Variants in FRMD6 observed in about 807,000 individuals in gnomAD.
The protein encoded by FRMD6 is FERM domain containing 6.
FRMD6 carries 37 observed loss-of-function variants against 73.2 expected under a neutral mutation model. The ratio of observed to expected loss-of-function variants is 0.51; its 90% CI spans 0.39 to 0.66. FRMD6 has a LOEUF of 0.66. FRMD6 is among the 30% of genes least tolerant of loss of function. The pLI is 0.00. For synonymous variants in FRMD6, 273 were observed against 282.2 expected, an observed-to-expected ratio of 0.97 and a Z score of 0.33; for missense variants, 714 against 780.5, an observed-to-expected ratio of 0.91 and a Z score of 1.02.
chr14:51,560,821 G>C (rs368328802), intron 1 of FRMD6, among the ~76,000 whole-genome samples: 3 of 151,952 alleles, frequency 2.0e-5, no homozygotes, highest in Non-Finnish European at 1.5e-5. Flanking sequence ...TCCTCTCAAA[G>C]GTGCCCTTCC....
At chr14:51,472,996 G>A in the FRMD6 span, among the ~76,000 whole-genome samples, 27 of 152,294 alleles carry the variant, frequency 1.8e-4, no homozygotes, top group African/African-American at 3.8e-4. Flanking sequence ...ATACCCTTGA[G>A]CAGTTTGGGA....
At chr14:51,413,177 A>G in the FRMD6 span, among the ~76,000 whole-genome samples, 1 of 151,784 alleles carries the variant, frequency 6.6e-6, no homozygotes, top group African/African-American at 2.4e-5. Context: ...TTTTTAATAT[A>G]CTTTTAAGTT....
chr14:51,612,785 T>A (rs2139874116), intron 2 of FRMD6, among the ~76,000 whole-genome samples: 1 of 152,314 alleles, frequency 6.6e-6, no homozygotes. Flanking sequence ...TTTCTCTGGA[T>A]ATTAAATAAA....
chr14:51,472,109 T>C, the FRMD6 span, among the ~76,000 whole-genome samples: 4 of 152,208 alleles, frequency 2.6e-5, no homozygotes, highest in East Asian at 7.7e-4. Flanking sequence ...TCTTTATAAA[T>C]TAAGAATATG....
intron 1 of FRMD6, among the ~76,000 whole-genome samples, chr14:51,673,116 T>C (rs1235881954): frequency 1.3e-5 from 2 of 152,164 alleles, no homozygotes; most frequent in Admixed American, 6.6e-5. Context: ...ACTGAGGTGA[T>C]ATCCTTCACA....
chr14:51,402,650 T>C, the FRMD6 span, among the ~76,000 whole-genome samples: 1 of 151,200 alleles, frequency 6.6e-6, no homozygotes, highest in Non-Finnish European at 1.5e-5. Flanking sequence ...TCTTTTTTTT[T>C]TTTTTTGAGA....
At chr14:51,669,343 A>G (rs1033433315) in intron 1 of FRMD6, among the ~76,000 whole-genome samples, 11 of 152,240 alleles carry the variant, frequency 7.2e-5, no homozygotes, top group Non-Finnish European at 1.2e-4. Context: ...TGAAGTTACT[A>G]TAAGCATTTA....
rs180834008 is a variant in FRMD6 at position 51,692,510 on chromosome 14, G to T, written c.99+2575G>T. ...TGTGTGTGTGTACACACACAAGCAG[G>T]TTGTGGAACAACACCTTACCACATT... On this transcript the variant is annotated intron_variant, in intron 2 of 13. Coordinates refer to ENST00000344768, the MANE Select transcript of FRMD6 (RefSeq NM_001267046.2). 7.4e-4 allele frequency among the ~76,000 whole-genome samples: 112 copies of T among 151,804 alleles called. 1 individual carries two copies. Among genetic ancestry groups the T allele is most frequent in the Admixed American group, 5.8e-3 (89 of 15,264 alleles).
At chr14:51,592,269 C>A (rs1424219489) in intron 2 of FRMD6, among the ~76,000 whole-genome samples, 2 of 152,192 alleles carry the variant, frequency 1.3e-5, no homozygotes, top group African/African-American at 4.8e-5. Flanking sequence ...GTCCTCGGTT[C>A]AGAGTCCTTT....
chr14:51,500,860 G>A (rs747051918), intron 1 of FRMD6, among the ~76,000 whole-genome samples: 9 of 152,176 alleles, frequency 5.9e-5, no homozygotes, highest in African/African-American at 9.7e-5. Flanking sequence ...AGTACAGTGA[G>A]TTGTTTCTAA....
At chr14:51,452,463 T>C in the FRMD6 span, among the ~76,000 whole-genome samples, 1 of 152,196 alleles carries the variant, frequency 6.6e-6, no homozygotes, top group African/African-American at 2.4e-5. Flanking sequence ...GCTGTAAGTT[T>C]GGGATGTTGA....
chr14:51,422,181 A>T, the FRMD6 span, among the ~76,000 whole-genome samples: 1 of 152,194 alleles, frequency 6.6e-6, no homozygotes, highest in African/African-American at 2.4e-5. Flanking sequence ...TGTTCCCTGA[A>T]TTAATTCAGG....
rs145500532 is a variant in FRMD6 at position 51,495,837 on chromosome 14, G to A, written c.-210+6417G>A. Among the ~76,000 whole-genome samples the A allele has an allele frequency of 2.4e-4, 37 of 152,308 alleles. No homozygotes were observed. In the East Asian group the frequency reaches 6.9e-3, roughly 29 times the overall value. ...AAGCCATGATAAACAGAGGTGTAAT[G>A]GATGATATGGGAAAATTAATCCCTT... On this transcript the variant is annotated intron_variant, in intron 1 of 14. Transcript: ENST00000356218.
At chr14:51,436,670 G>T in the FRMD6 span, 1 of 531,320 alleles carries the variant, frequency 1.9e-6, no homozygotes. Context: ...TTCTGATGTA[G>T]GGGCTAATGA....
At chr14:51,513,848 C>T (rs1173193506) in intron 1 of FRMD6, among the ~76,000 whole-genome samples, 3 of 152,214 alleles carry the variant, frequency 2.0e-5, no homozygotes, top group African/African-American at 7.2e-5. Flanking sequence ...CCTCTCCAAT[C>T]CCAACTGGAG....
chr14:51,708,267 G>A lies in FRMD6; in HGVS notation c.714+34G>A, dbSNP rs1566584498. ...CGGCAACTAAGTCTTCAGCTTCTGA[G>A]AAAAAAACATCTTCTCAATAGGATT... On this transcript the variant is annotated intron_variant, in intron 7 of 13. Coordinates refer to ENST00000344768, the MANE Select transcript of FRMD6 (RefSeq NM_001267046.2). 1.9e-6 allele frequency: 3 copies of A among 1,587,566 alleles called. No homozygotes were observed. The Admixed American group carries it at 5.2e-5, about 28-fold the overall frequency.
At chr14:51,634,742 G>A (rs1460269834) in intron 2 of FRMD6, among the ~76,000 whole-genome samples, 1 of 152,172 alleles carries the variant, frequency 6.6e-6, no homozygotes, top group East Asian at 1.9e-4. Context: ...CTTCGAGAAT[G>A]CAGTCAGAAA....
intron 2 of FRMD6, among the ~76,000 whole-genome samples, chr14:51,693,181 C>T (rs1267069791): frequency 2.0e-5 from 3 of 152,178 alleles, no homozygotes; most frequent in Non-Finnish European, 2.9e-5. Context: ...TATACCTCTT[C>T]CAGCCTCAAC....
intron 2 of FRMD6, among the ~76,000 whole-genome samples, chr14:51,604,402 T>C (rs1890161883): frequency 6.6e-6 from 1 of 152,152 alleles, no homozygotes. Flanking sequence ...AAACTATGCT[T>C]TCCAGATTAT....
Sources: allele counts gnomAD v4.1 joint callset (sites outside exome capture counted in the v4.1 genomes callset), GRCh38; gene constraint gnomAD v4.1.1; transcripts MANE v1.5; gene names NCBI Gene and HGNC (gene_info 2026-07-23, HGNC 2026-07-21).